The following FBXW7 variants were observed in gnomAD, a reference collection of about 807,000 sequenced individuals.
FBXW7 encodes the protein F-box/WD repeat-containing protein 7.
Under a neutral mutation model 86.3 loss-of-function variants are expected in FBXW7, and 11 were observed. The observed-to-expected ratio is 0.13, with a 90% CI of 0.08 to 0.21. FBXW7 has a LOEUF of 0.21. FBXW7 is among the 10% of genes least tolerant of loss of function. The pLI is 1.00. For missense variants in FBXW7, 488 were observed against 847.4 expected (o/e 0.58, Z 5.27); for synonymous variants, 313 against 297.9 (o/e 1.05, Z -0.52).
chr4:152,500,282 C>G (rs895497128), intron 2 of FBXW7, among the ~76,000 whole-genome samples: 3 of 152,002 alleles, frequency 2.0e-5, no homozygotes, highest in Non-Finnish European at 4.4e-5. Context: ...TTTAGGCATT[C>G]AACTTCATTT....
At chr4:152,533,196 A>T (rs1168366244) in intron 2 of FBXW7, among the ~76,000 whole-genome samples, 1 of 152,098 alleles carries the variant, frequency 6.6e-6, no homozygotes, top group African/African-American at 2.4e-5. Context: ...TCTCAAAAAA[A>T]AAAAAAATAC....
At chr4:152,380,660 A>C (rs1284954043) in intron 4 of FBXW7, among the ~76,000 whole-genome samples, 3 of 151,986 alleles carry the variant, frequency 2.0e-5, no homozygotes. Flanking sequence ...TTTTAAACTT[A>C]ATGTCCATGT....
Position 152,322,854 on chromosome 4 carries a change from A to G in FBXW7, c.*27T>C. 2 of 1,612,196 alleles carry G rather than the reference A, an allele frequency of 1.2e-6. No homozygotes were observed. Among genetic ancestry groups the G allele is most frequent in the Middle Eastern group, 1.7e-4 (1 of 6,050 alleles). ...GGGCAGGGAGTATATCGTCTACACA[A>G]TTGGACAAATTCATCTTTTCTGCTC... On this transcript the variant is annotated 3_prime_UTR_variant, in exon 14 of 14. Transcript: ENST00000281708.
chr4:152,324,400 A>G lies in FBXW7; in HGVS notation c.1645-6T>C, dbSNP rs2126480901. ...ACCACATGGATACCATCAAACTACA[A>G]AAGACACAGTTTATTAGAATAGAAG... On this transcript the variant is annotated splice_region_variant and splice_polypyrimidine_tract_variant and intron_variant, in intron 12 of 13. Coordinates refer to ENST00000281708, the MANE Select transcript of FBXW7 (RefSeq NM_001349798.2). 2 of 1,573,028 alleles carry G rather than the reference A, an allele frequency of 1.3e-6. No individual in the cohort carries two copies. Among genetic ancestry groups the G allele is most frequent in the South Asian group, 2.3e-5 (2 of 87,306 alleles).
intron 7 of FBXW7, 127 bp downstream of exon 7, chr4:152,337,675 C>T: frequency 1.1e-6 from 1 of 925,598 alleles, no homozygotes; most frequent in Admixed American, 2.9e-5. Context: ...CCCTCTTTAC[C>T]ACTAATTAAG....
In FBXW7 at chr4:152,444,023, G is replaced by A. The variant is rs146763836; in HGVS notation, c.-119-31494C>T. Reference sequence around the variant, plus strand: ...CCTTCCAGCTCCTTCTCTACAAAGCGTTCTCTACAAACATGTGCTTCTCTA... The same window carrying A: ...CCTTCCAGCTCCTTCTCTACAAAGCATTCTCTACAAACATGTGCTTCTCTA... On this transcript the variant is annotated intron_variant, in intron 2 of 13. Coordinates refer to ENST00000281708, the MANE Select transcript of FBXW7 (RefSeq NM_001349798.2). Among the ~76,000 whole-genome samples, 15 of 151,934 alleles carry A rather than the reference G, an allele frequency of 9.9e-5. No individual in the cohort carries two copies. The East Asian group carries it at 2.5e-3, about 25-fold the overall frequency.
chr4:152,438,418 C>T (rs902697547), intron 2 of FBXW7, among the ~76,000 whole-genome samples: 11 of 151,180 alleles, frequency 7.3e-5, no homozygotes, highest in Non-Finnish European at 1.5e-4. Context: ...TGGCTCATGC[C>T]TGTAATCTCA....
At chr4:152,489,416 G>C (rs949419468) in intron 2 of FBXW7, 1 of 152,648 alleles carries the variant, frequency 6.6e-6, no homozygotes, top group African/African-American at 2.4e-5. Context: ...ACCTCAAGAG[G>C]ACATAAATGG....
At chr4:152,332,167 A>T (rs898419355) in intron 8 of FBXW7, among the ~76,000 whole-genome samples, 1 of 152,148 alleles carries the variant, frequency 6.6e-6, no homozygotes, top group Non-Finnish European at 1.5e-5. Context: ...GGAAAAAAAC[A>T]GGTTTCAAGA....
intron 2 of FBXW7, among the ~76,000 whole-genome samples, chr4:152,511,905 T>A (rs1657931292): frequency 6.6e-6 from 1 of 152,052 alleles, no homozygotes; most frequent in African/African-American, 2.4e-5. Context: ...TTTTACCATT[T>A]CAAGCATGTA....
intron 2 of FBXW7, among the ~76,000 whole-genome samples, chr4:152,416,580 A>C (rs1454547107): frequency 6.6e-6 from 1 of 152,204 alleles, no homozygotes; most frequent in African/African-American, 2.4e-5. Context: ...TAAAGATGAA[A>C]ATCTTTCAGG....
intron 2 of FBXW7, among the ~76,000 whole-genome samples, chr4:152,422,547 T>A (rs1051743304): frequency 6.6e-6 from 1 of 152,360 alleles, no homozygotes; most frequent in African/African-American, 2.4e-5. Context: ...CTATTACTGA[T>A]GAAGCTCTAG....
At chr4:152,454,308 G>A (rs1440592958) in intron 2 of FBXW7, among the ~76,000 whole-genome samples, 5 of 134,164 alleles carry the variant, frequency 3.7e-5, no homozygotes, top group Non-Finnish European at 7.6e-5. Flanking sequence ...ACCATGTTAG[G>A]TGTCTCATAT....
At chr4:152,426,684 G>GTA (rs1553976830) in intron 2 of FBXW7, among the ~76,000 whole-genome samples, 2 of 152,198 alleles carry the variant, frequency 1.3e-5, no homozygotes, top group Non-Finnish European at 1.5e-5. Context: ...ATGAAAACGG[G>GTA]TAGGTCGTTT....
chr4:152,340,273 T>C (rs1304226670), intron 6 of FBXW7, among the ~76,000 whole-genome samples: 1 of 152,076 alleles, frequency 6.6e-6, no homozygotes, highest in Non-Finnish European at 1.5e-5. Flanking sequence ...CGTGTTATCT[T>C]ATTAAAAAGT....
chr4:152,462,644 G>A (rs1394805883), intron 2 of FBXW7, among the ~76,000 whole-genome samples: 1 of 152,192 alleles, frequency 6.6e-6, no homozygotes, highest in Admixed American at 6.5e-5. Context: ...TGCAGTTGGA[G>A]GCTCTCATCT....
chr4:152,409,419 T>C (rs1042107968), intron 4 of FBXW7, among the ~76,000 whole-genome samples: 1 of 152,214 alleles, frequency 6.6e-6, no homozygotes, highest in African/African-American at 2.4e-5. Context: ...CTTCTATTTA[T>C]TGTATTAAAA....
chr4:152,428,971 CCT>C (rs1739629335), intron 2 of FBXW7, among the ~76,000 whole-genome samples: 1 of 152,130 alleles, frequency 6.6e-6, no homozygotes, highest in African/African-American at 2.4e-5. Context: ...GGGTGGATCA[CCT>C]GAGGTAGGGA....
rs118151200 is a variant in FBXW7 at position 152,458,069 on chromosome 4, C to T, written c.-119-45540G>A. Among the ~76,000 whole-genome samples the T allele has an allele frequency of 7.4e-3, 1,122 of 152,014 alleles. 37 individuals carry two copies. The highest frequency in any genetic ancestry group is 0.055 in the East Asian group (286 of 5,166). On this transcript the variant is annotated intron_variant, in intron 2 of 13. Transcript: ENST00000281708. ...CTGTTGGCAGTCTCTGTTGCCATGC[C>T]AGTGCACTGGTGCAGTCTCAGCTCA... is the stretch of plus-strand genomic sequence containing the variant.
Sources: gnomAD v4.1 joint callset for allele counts (sites outside exome capture counted in the v4.1 genomes callset) on GRCh38, gnomAD v4.1.1 for gene constraint, MANE v1.5 for transcripts, NCBI Gene and HGNC (gene_info 2026-07-23, HGNC 2026-07-21) for gene names.